KCNIP4: variants seen among roughly 807,000 people sequenced by gnomAD.
The protein encoded by KCNIP4 is Kv channel-interacting protein 4.
A neutral mutation model predicts 34.0 loss-of-function variants in KCNIP4; 12 were observed. The observed-to-expected ratio is 0.35, with a 90% CI of 0.23 to 0.57. KCNIP4 has a LOEUF of 0.57. KCNIP4 is among the 20% of genes least tolerant of loss of function. The pLI, the probability that KCNIP4 is intolerant of heterozygous loss-of-function variation, is 0.83. For synonymous variants in KCNIP4, 124 were observed against 102.2 expected, an observed-to-expected ratio of 1.21 and a Z score of -1.29; for missense variants, 238 against 311.7, an observed-to-expected ratio of 0.76 and a Z score of 1.78.
chr4:21,134,016 T>G (rs1490452270), intron 1 of KCNIP4, among the ~76,000 whole-genome samples: 5 of 152,172 alleles, frequency 3.3e-5, no homozygotes, highest in African/African-American at 1.2e-4. Context: ...CTAGTTTCCT[T>G]CTGTACAATT....
At chr4:21,414,069 T>C (rs1346874993) in intron 1 of KCNIP4, among the ~76,000 whole-genome samples, 1 of 152,146 alleles carries the variant, frequency 6.6e-6, no homozygotes, top group African/African-American at 2.4e-5. Context: ...GGCCTTACAT[T>C]CTAGCAGAGG....
intron 1 of KCNIP4, among the ~76,000 whole-genome samples, chr4:20,963,573 G>C (rs768442623): frequency 2.0e-4 from 31 of 152,100 alleles, no homozygotes; most frequent in South Asian, 4.1e-4. Flanking sequence ...AAAAAAAGTA[G>C]TGCATGTTTC....
At chr4:21,898,195 C>T (rs544646065) in intron 1 of KCNIP4, among the ~76,000 whole-genome samples, 24 of 152,206 alleles carry the variant, frequency 1.6e-4, no homozygotes, top group Admixed American at 1.2e-3. Flanking sequence ...ACTTGAAAGG[C>T]GGTATAGGCC....
At chr4:21,153,306 A>G (rs143970993) in intron 1 of KCNIP4, among the ~76,000 whole-genome samples, 1,680 of 152,054 alleles carry the variant, frequency 0.011, 28 homozygotes, top group African/African-American at 0.037. Flanking sequence ...AGCTGAGTGT[A>G]TTTTCATATT....
intron 1 of KCNIP4, among the ~76,000 whole-genome samples, chr4:21,787,369 C>G (rs1187126777): frequency 6.6e-6 from 1 of 152,180 alleles, no homozygotes; most frequent in Non-Finnish European, 1.5e-5. Flanking sequence ...TGCATTCATT[C>G]CAGTTTGTCA....
chr4:21,150,065 GT>G (rs1446904733), intron 1 of KCNIP4, among the ~76,000 whole-genome samples: 1 of 152,176 alleles, frequency 6.6e-6, no homozygotes. Flanking sequence ...AGAATTGCCT[GT>G]CACGGTCAGT....
At chr4:21,047,468 T>C (rs1259407791) in intron 1 of KCNIP4, among the ~76,000 whole-genome samples, 1 of 152,182 alleles carries the variant, frequency 6.6e-6, no homozygotes, top group East Asian at 1.9e-4. Context: ...CATCCTACAA[T>C]AATGCAGCTA....
intron 1 of KCNIP4, among the ~76,000 whole-genome samples, chr4:21,375,846 C>T (rs1720916027): frequency 6.6e-6 from 1 of 152,110 alleles, no homozygotes; most frequent in South Asian, 2.1e-4. Context: ...GGATTACAGG[C>T]GTGAGCCACC....
At chr4:20,787,587 G>A (rs114615012) in intron 3 of KCNIP4, among the ~76,000 whole-genome samples, 2,458 of 151,978 alleles carry the variant, frequency 0.016, 33 homozygotes, top group Middle Eastern at 0.024. Context: ...ATTTTTAAGT[G>A]CATTAACTTT....
At chr4:21,757,235 GAAAGAAAGAAAGAAAAGA>G (rs1370738283) in intron 1 of KCNIP4, among the ~76,000 whole-genome samples, 635 of 28,416 alleles carry the variant, frequency 0.022, 49 homozygotes, top group Middle Eastern at 0.056. Flanking sequence ...AAGAAAGAAA[GAAAGAAAGAAAGAAAAGA>G]AAAGAAAAGA....
At chr4:21,103,495 T>C (rs1748150007) in intron 1 of KCNIP4, among the ~76,000 whole-genome samples, 1 of 150,768 alleles carries the variant, frequency 6.6e-6, no homozygotes, top group South Asian at 2.1e-4. Flanking sequence ...TCATATCTAA[T>C]AAAAACTTAA....
chr4:21,833,714 T>G (rs1368234245), intron 1 of KCNIP4, among the ~76,000 whole-genome samples: 1 of 151,982 alleles, frequency 6.6e-6, no homozygotes, highest in Admixed American at 6.6e-5. Flanking sequence ...CTAGGGTTTT[T>G]ATGGTTTTAG....
In KCNIP4 at chr4:21,767,123, T is replaced by C. The variant is rs1000924971; in HGVS notation, c.61+181448A>G. ...GAGGAAGAGAACTAGGGAGAAGACTTAATGCATTAAAGCTTTAGAAAGGAA... is the reference window on the plus strand; with the variant it reads ...GAGGAAGAGAACTAGGGAGAAGACTCAATGCATTAAAGCTTTAGAAAGGAA... On this transcript the variant is annotated intron_variant, in intron 1 of 8. Transcript: ENST00000382152. Among the ~76,000 whole-genome samples the C allele has an allele frequency of 4.6e-5, 7 of 152,236 alleles. 1 individual carries two copies. The highest frequency in any genetic ancestry group is 1.3e-4 in the Admixed American group (2 of 15,268).
intron 1 of KCNIP4, among the ~76,000 whole-genome samples, chr4:21,391,960 C>T (rs1036620350): frequency 3.3e-5 from 5 of 152,182 alleles, no homozygotes; most frequent in African/African-American, 1.2e-4. Context: ...CCACTGCTAT[C>T]CTGTAAACTG....
At chr4:21,248,658 T>C (rs1019435140) in intron 1 of KCNIP4, among the ~76,000 whole-genome samples, 4 of 152,158 alleles carry the variant, frequency 2.6e-5, no homozygotes, top group South Asian at 4.1e-4. Context: ...TAGGTGATAA[T>C]AGAGCCCAAT....
At chr4:20,955,578 T>C (rs1460706715) in intron 1 of KCNIP4, among the ~76,000 whole-genome samples, 1 of 152,116 alleles carries the variant, frequency 6.6e-6, no homozygotes, top group Non-Finnish European at 1.5e-5. Flanking sequence ...GATAAAATGA[T>C]TTTCCAGCAA....
At chr4:21,670,433 A>AGGGGGGG (rs1749383825) in intron 1 of KCNIP4, among the ~76,000 whole-genome samples, 1 of 54,164 alleles carries the variant, frequency 1.8e-5, no homozygotes, top group Non-Finnish European at 3.4e-5. Flanking sequence ...GGGTCGGGGG[A>AGGGGGGG]GGGGGGAGGG....
chr4:21,881,362 T>C (rs1366928701), intron 1 of KCNIP4, among the ~76,000 whole-genome samples: 1 of 152,158 alleles, frequency 6.6e-6, no homozygotes, highest in Non-Finnish European at 1.5e-5. Flanking sequence ...ATGTAGGGTT[T>C]AAAAGCTAAA....
At chr4:21,444,329 G>T (rs1194748397) in intron 1 of KCNIP4, among the ~76,000 whole-genome samples, 1 of 152,096 alleles carries the variant, frequency 6.6e-6, no homozygotes, top group Non-Finnish European at 1.5e-5. Context: ...CAAAAAAAGA[G>T]AATTTTAGAC....
Sources: allele counts gnomAD v4.1 joint callset (sites outside exome capture counted in the v4.1 genomes callset), GRCh38; gene constraint gnomAD v4.1.1; transcripts MANE v1.5; gene names NCBI Gene and HGNC (gene_info 2026-07-23, HGNC 2026-07-21).